Variants in BAG3 observed in about 807,000 individuals in gnomAD.
The protein encoded by BAG3 is BAG cochaperone 3.
A neutral mutation model predicts 40.5 loss-of-function variants in BAG3; 14 were observed. That is an observed-to-expected ratio of 0.35 (90% CI 0.23 to 0.54). The LOEUF is 0.54. Among genes scored for constraint, BAG3 ranks in the 20% least tolerant of loss-of-function variants. The probability of loss-of-function intolerance (pLI) is 0.91; values close to 1 mark genes in which losing one functional copy is unlikely to be tolerated. For missense variants in BAG3, 788 were observed against 758.6 expected, an observed-to-expected ratio of 1.04 and a Z score of -0.46; for synonymous variants, 302 against 307.8, an observed-to-expected ratio of 0.98 and a Z score of 0.20.
intron 3 of BAG3, among the ~76,000 whole-genome samples, chr10:119,673,740 G>A (rs1847183383): frequency 6.6e-6 from 1 of 152,226 alleles, no homozygotes; most frequent in Admixed American, 6.5e-5. Context: ...TCATAGAAGA[G>A]TTGTGTGAAT....
rs774573497 is a variant in BAG3, at chr10:119,677,177, T to A, written c.1623T>A (p.Asn541Lys). 4 of 1,613,894 alleles carry A rather than the reference T, an allele frequency of 2.5e-6. No homozygotes were observed. The highest frequency in any genetic ancestry group is 3.4e-6 in the Non-Finnish European group (4 of 1,179,992). ...ACAAGGGCAAGAAAAATGCTGGAAATGCAGAAGATCCCCACACAGAAACCC... is the reference window on the plus strand; with the variant it reads ...ACAAGGGCAAGAAAAATGCTGGAAAAGCAGAAGATCCCCACACAGAAACCC... ...AADKGKKNAG[N>K]AEDPHTETQQ... The change falls in exon 4 of 4, where the codon AAT (asparagine) becomes AAA (lysine). Residue 541 changes from asparagine to lysine, a missense_variant. Physicochemically the swap from Asn to Lys is moderately conservative, Grantham distance 94. Transcript: ENST00000369085.
At chr10:119,663,894 A>G (rs908133313) in intron 1 of BAG3, among the ~76,000 whole-genome samples, 2 of 152,164 alleles carry the variant, frequency 1.3e-5, no homozygotes, top group Non-Finnish European at 2.9e-5. Flanking sequence ...GTTGGGCTTA[A>G]GAGTCTGCAA....
At chr10:119,661,591 G>A (rs1846993008) in intron 1 of BAG3, among the ~76,000 whole-genome samples, 1 of 151,924 alleles carries the variant, frequency 6.6e-6, no homozygotes, top group South Asian at 2.1e-4. Flanking sequence ...TTTTCCCATT[G>A]AAAACACATA....
chr10:119,661,133 G>A (rs1194521019), intron 1 of BAG3, among the ~76,000 whole-genome samples: 1 of 152,164 alleles, frequency 6.6e-6, no homozygotes. Flanking sequence ...GGTGGCAGGT[G>A]CCTGTAATCC....
At position 119,677,282 on chromosome 10, in the gene BAG3, G is replaced by A. The variant is rs1221383038; in HGVS notation, c.1728G>A (p.Ter576=). 1.2e-6 allele frequency: 2 copies of A among 1,613,826 alleles called. No individual in the cohort carries two copies. Among genetic ancestry groups the A allele is most frequent in the Non-Finnish European group, 1.7e-6 (2 of 1,180,030 alleles). ...CCCCTGGTAACCCAGCAGCACCGTA[G>A]CCTCTGCCCTGTAAAAATCAGACTC... is the stretch of plus-strand genomic sequence containing the variant. The part of the protein sequence containing the change: ...TDTPGNPAAP[*] Residue 576 remains the stop codon, a stop_retained_variant, in exon 4 of 4, where the codon TAG becomes TAA. Transcript: ENST00000369085.
chr10:119,675,778 TCCCCCTCCCTTCCCCCCTTCC>T (rs1847212573), intron 3 of BAG3, among the ~76,000 whole-genome samples: 2 of 61,528 alleles, frequency 3.3e-5, no homozygotes, highest in African/African-American at 6.5e-5. Context: ...CCTCCTTCCC[TCCCCCTCCCTTCCCCCCTTCC>T]CCTTCCCCCC....
intron 1 of BAG3, among the ~76,000 whole-genome samples, chr10:119,657,909 T>C (rs2134054721): frequency 6.6e-6 from 1 of 152,350 alleles, no homozygotes; most frequent in South Asian, 2.1e-4. Context: ...AGACACCGTA[T>C]ACGTGAAGGT....
In BAG3 at chr10:119,677,274, G is replaced by T. The variant is rs779083262; in HGVS notation, c.1720G>T (p.Ala574Ser). 3.7e-6 allele frequency: 6 copies of T among 1,613,858 alleles called. No homozygotes were observed. The highest frequency in any genetic ancestry group is 1.7e-5 in the Admixed American group (1 of 59,998). ...GACAGACACCCCTGGTAACCCAGCA[G>T]CACCGTAGCCTCTGCCCTGTAAAAA... ...SMTDTPGNPA[A>S]P Residue 574 changes from alanine (A) to serine (S), a missense_variant, in exon 4 of 4, where the codon GCA becomes TCA. Ala to Ser is a moderately conservative substitution (Grantham distance 99). Transcript: ENST00000369085.
intron 1 of BAG3, among the ~76,000 whole-genome samples, chr10:119,658,743 T>A (rs1304691214): frequency 6.6e-6 from 1 of 152,164 alleles, no homozygotes; most frequent in African/African-American, 2.4e-5. Flanking sequence ...GGCAAAGCAC[T>A]TACCCTTCTT....
intron 1 of BAG3, among the ~76,000 whole-genome samples, chr10:119,660,347 C>G (rs1055246431): frequency 6.6e-6 from 1 of 152,184 alleles, no homozygotes; most frequent in African/African-American, 2.4e-5. Flanking sequence ...AGAGCAGCGG[C>G]CCAGCCTGTT....
At chr10:119,662,983 C>T (rs759222709) in intron 1 of BAG3, among the ~76,000 whole-genome samples, 6 of 152,160 alleles carry the variant, frequency 3.9e-5, no homozygotes, top group Non-Finnish European at 8.8e-5. Context: ...CCACTGCACT[C>T]CAGCCTAGGC....
intron 1 of BAG3, among the ~76,000 whole-genome samples, chr10:119,666,211 G>A (rs1262216112): frequency 6.6e-6 from 1 of 152,114 alleles, no homozygotes; most frequent in African/African-American, 2.4e-5. Context: ...GTCTTGCTGA[G>A]GCATCTCCTG....
intron 1 of BAG3, chr10:119,657,510 A>G: frequency 2.1e-6 from 1 of 471,070 alleles, no homozygotes; most frequent in Non-Finnish European, 4.4e-6. Context: ...GAAGGGTAGA[A>G]CATGGGCCTG....
chr10:119,655,352 C>G (rs763776709), intron 1 of BAG3, among the ~76,000 whole-genome samples: 4 of 152,160 alleles, frequency 2.6e-5, no homozygotes, highest in African/African-American at 7.2e-5. Context: ...AGAGCCTTTT[C>G]TTTTTGTCTT....
Position 119,651,416 on chromosome 10 carries a change from T to A in BAG3, c.-260T>A. 2.6e-6 allele frequency: 1 copy of A among 377,480 alleles called. No homozygotes were observed. 23.4% of individuals were successfully genotyped at this position (377,480 alleles called of 1,614,324 possible). A position where few individuals can be genotyped will look rare whatever the true frequency, so the allele number is the denominator to read the frequency against. ...CGGGCCGCGGCCAACTTCTCTGGAC[T>A]GGACCAGAAGTTTCTAGCCGGCCAG... On this transcript the variant is annotated 5_prime_UTR_variant, in exon 1 of 4. Coordinates refer to ENST00000369085, the MANE Select transcript of BAG3 (RefSeq NM_004281.4).
At position 119,672,596 on chromosome 10, in the gene BAG3, C is replaced by T; in HGVS notation, c.849C>T (p.Ser283=). The part of the protein sequence containing the change: ...ASSREGSPAR[S]STPLHSPSPI... ...GCCGGGAGGGCTCACCAGCCAGGAG[C>T]AGCACGCCACTCCACTCCCCCTCGC... Residue 283 remains serine (S), a synonymous_variant, in exon 3 of 4, where the codon AGC becomes AGT. Transcript: ENST00000369085. This position sits in a 1 kb window ranked among gnomAD's most constrained non-coding sequence, Gnocchi z 4.8. 1 of 1,614,162 alleles carries T rather than the reference C, an allele frequency of 6.2e-7. No individual in the cohort carries two copies. Among genetic ancestry groups the T allele is most frequent in the South Asian group, 1.1e-5 (1 of 91,082 alleles).
At chr10:119,658,840 G>A (rs2134055331) in intron 1 of BAG3, among the ~76,000 whole-genome samples, 1 of 152,292 alleles carries the variant, frequency 6.6e-6, no homozygotes, top group East Asian at 1.9e-4. Flanking sequence ...GTGTGTGGGA[G>A]GCGAACGTCC....
intron 1 of BAG3, among the ~76,000 whole-genome samples, chr10:119,659,972 T>G (rs149055056): frequency 6.6e-6 from 1 of 152,270 alleles, no homozygotes; most frequent in East Asian, 1.9e-4. Flanking sequence ...GCCCTGAAGC[T>G]AACTTCATGT....
intron 1 of BAG3, among the ~76,000 whole-genome samples, chr10:119,660,053 T>G: frequency 6.6e-6 from 1 of 152,216 alleles, no homozygotes; most frequent in Non-Finnish European, 1.5e-5. Flanking sequence ...GGGCTGGGGC[T>G]GCAGGGAGGC....
Sources: gnomAD v4.1 joint callset for allele counts (sites outside exome capture counted in the v4.1 genomes callset) on GRCh38, gnomAD v4.1.1 for gene constraint, Gnocchi (gnomAD v3.1) non-coding constraint, MANE v1.5 for transcripts, NCBI Gene and HGNC (gene_info 2026-07-23, HGNC 2026-07-21) for gene names.